The following COL11A1 variants were observed in gnomAD, a reference collection of about 807,000 sequenced individuals.
COL11A1 encodes collagen type XI alpha 1 chain, also known as collagen alpha-1(XI) chain.
A neutral mutation model predicts 265.2 loss-of-function variants in COL11A1; 74 were observed. That is an observed-to-expected ratio of 0.28 (90% confidence interval 0.23 to 0.34). The LOEUF (loss-of-function observed/expected upper bound fraction) is 0.34. Among genes scored for constraint, COL11A1 ranks in the 10% least tolerant of loss-of-function variants. The pLI, the probability that COL11A1 is intolerant of heterozygous loss-of-function variation, is 1.00. For missense variants in COL11A1, 2,165 were observed against 2,263.6 expected (o/e 0.96, Z 0.88); for synonymous variants, 816 against 727.6 (o/e 1.12, Z -1.96).
intron 9 of COL11A1, among the ~76,000 whole-genome samples, 190 bp from the exon 10 acceptor site, chr1:103,019,049 T>C (rs186390169): frequency 6.0e-4 from 92 of 152,304 alleles, no homozygotes; most frequent in African/African-American, 2.0e-3. Context: ...ATATAGACTG[T>C]GCCCTCAGAG....
At chr1:103,052,740 T>A (rs1350997500) in intron 4 of COL11A1, among the ~76,000 whole-genome samples, 1 of 152,202 alleles carries the variant, frequency 6.6e-6, no homozygotes, top group Non-Finnish European at 1.5e-5. Context: ...CCTTAGCCAT[T>A]TCTGGGTAAA....
At chr1:102,906,969 G>A (rs1654053295) in intron 54 of COL11A1, among the ~76,000 whole-genome samples, 1 of 152,062 alleles carries the variant, frequency 6.6e-6, no homozygotes, top group Non-Finnish European at 1.5e-5. Flanking sequence ...AAGCAATTAA[G>A]CATGCCAGTT....
chr1:103,050,431 T>C lies in COL11A1; in HGVS notation c.652-19187A>G, dbSNP rs1438444620. Among the ~76,000 whole-genome samples the C allele has an allele frequency of 2.0e-5, 3 of 152,230 alleles. No homozygotes were observed. In the South Asian group the frequency reaches 6.2e-4, roughly 32 times the overall value. On this transcript the variant is annotated intron_variant, in intron 4 of 66. Coordinates refer to ENST00000370096, the MANE Select transcript of COL11A1 (RefSeq NM_001854.4). ...TTCTGCATTCATCACGTAGTTCTCG[T>C]GCCTTGGTTTTCAGTTCCATCAGGT... is the stretch of plus-strand genomic sequence containing the variant.
chr1:103,085,548 C>T (rs994728152), intron 1 of COL11A1, among the ~76,000 whole-genome samples: 1 of 151,786 alleles, frequency 6.6e-6, no homozygotes, highest in Admixed American at 6.6e-5. Context: ...TTCTTATCAA[C>T]ATTATCACTG....
intron 57 of COL11A1, among the ~76,000 whole-genome samples, chr1:102,892,202 A>C (rs1651863920): frequency 6.6e-6 from 1 of 152,296 alleles, no homozygotes; most frequent in South Asian, 2.1e-4. Flanking sequence ...GAATTCAATT[A>C]GCTCAATTAT....
At chr1:103,049,076 T>C (rs1027554949) in intron 4 of COL11A1, among the ~76,000 whole-genome samples, 38 of 152,176 alleles carry the variant, frequency 2.5e-4, no homozygotes, top group Non-Finnish European at 8.8e-5. Flanking sequence ...GTATATGCTG[T>C]TGATTTGGGG....
chr1:103,008,128 A>G (rs993419632), intron 15 of COL11A1, among the ~76,000 whole-genome samples: 2 of 152,194 alleles, frequency 1.3e-5, no homozygotes, highest in Non-Finnish European at 2.9e-5. Context: ...GAAAGTGTTG[A>G]GCAAAAAGTT....
At chr1:103,011,361 T>A (rs1294557307) in intron 14 of COL11A1, among the ~76,000 whole-genome samples, 2 of 152,100 alleles carry the variant, frequency 1.3e-5, no homozygotes, top group Admixed American at 1.3e-4. Context: ...CATTTAATAA[T>A]GTGTTAAATT....
At chr1:102,991,608 G>T (rs917542398) in intron 28 of COL11A1, among the ~76,000 whole-genome samples, 3 of 152,060 alleles carry the variant, frequency 2.0e-5, no homozygotes, top group East Asian at 1.9e-4. Flanking sequence ...CCGAACACAA[G>T]AATCCTGCCT....
At chr1:102,981,051 T>C (rs1056157088) in intron 31 of COL11A1, among the ~76,000 whole-genome samples, 3 of 152,154 alleles carry the variant, frequency 2.0e-5, no homozygotes, top group Non-Finnish European at 4.4e-5. Context: ...CATGATGCTA[T>C]TAAAGCAGGT....
chr1:102,958,119 G>A (rs1179067651), intron 41 of COL11A1, among the ~76,000 whole-genome samples: 2 of 151,984 alleles, frequency 1.3e-5, no homozygotes, highest in Non-Finnish European at 2.9e-5. Context: ...GTTAACATAA[G>A]ATTGATATAA....
chr1:103,009,667 T>G (rs1557940092), intron 14 of COL11A1, among the ~76,000 whole-genome samples: 1 of 152,182 alleles, frequency 6.6e-6, no homozygotes, highest in Non-Finnish European at 1.5e-5. Flanking sequence ...ACACATTCCA[T>G]TAAATACTAC....
chr1:103,051,468 G>C (rs1182849463), intron 4 of COL11A1, among the ~76,000 whole-genome samples: 1 of 152,202 alleles, frequency 6.6e-6, no homozygotes, highest in Non-Finnish European at 1.5e-5. Flanking sequence ...CAGTATTAGG[G>C]TGGGAGTGAC....
Position 102,967,227 on chromosome 1 carries a change from C to CTTTTTTTTTTTTTT in COL11A1, c.2863-1701_2863-1688dup, listed in dbSNP as rs35303945. Reference sequence around the variant, plus strand: ...CCCACAAAACCAAACATAATAAATTCTTTTTTTTTTTTTTTTTTTTTTTTT... The same window carrying CTTTTTTTTTTTTTT: ...CCCACAAAACCAAACATAATAAATTCTTTTTTTTTTTTTTTTTTTTTTTTTTTTTTTTTTTTTTT... On this transcript the variant is annotated intron_variant, in intron 37 of 66. Transcript: ENST00000370096. 4.0e-3 allele frequency among the ~76,000 whole-genome samples: 211 copies of CTTTTTTTTTTTTTT among 52,762 alleles called. 70 individuals carry two copies. The highest frequency in any genetic ancestry group is 5.0e-3 in the East Asian group (7 of 1,394). The allele number at this position is 52,762 out of a possible 152,430, so 34.6% of individuals were successfully genotyped here.
chr1:102,943,544 A>C (rs12046389), intron 42 of COL11A1, among the ~76,000 whole-genome samples: 74,925 of 151,592 alleles, frequency 0.49, 20,709 homozygotes, highest in East Asian at 0.86. Flanking sequence ...TACACCCATT[A>C]TAATTCTCCA....
intron 46 of COL11A1, among the ~76,000 whole-genome samples, chr1:102,930,580 TTAGTATCAGAA>T (rs1657284737): frequency 6.6e-6 from 1 of 152,218 alleles, no homozygotes; most frequent in African/African-American, 2.4e-5. Context: ...CTGCCCGGCT[TTAGTATCAGAA>T]TGATGCTGGC....
intron 46 of COL11A1, among the ~76,000 whole-genome samples, chr1:102,923,746 C>G (rs1207084462): frequency 6.6e-6 from 1 of 152,034 alleles, no homozygotes; most frequent in East Asian, 1.9e-4. Context: ...TCTTTTGACT[C>G]AAAATATTTT....
intron 46 of COL11A1, among the ~76,000 whole-genome samples, chr1:102,926,002 A>T (rs1335210678): frequency 1.3e-5 from 2 of 152,104 alleles, no homozygotes; most frequent in Admixed American, 1.3e-4. Context: ...TTACAAACCC[A>T]GTTGTGCATT....
intron 46 of COL11A1, among the ~76,000 whole-genome samples, chr1:102,928,930 T>C (rs1656999751): frequency 2.1e-5 from 1 of 48,220 alleles, no homozygotes; most frequent in African/African-American, 3.5e-5. Flanking sequence ...TTGCCCACTT[T>C]TTGATGGGGT....
Sources: allele counts gnomAD v4.1 joint callset (sites outside exome capture counted in the v4.1 genomes callset), GRCh38; gene constraint gnomAD v4.1.1; transcripts MANE v1.5; gene names NCBI Gene and HGNC (gene_info 2026-07-23, HGNC 2026-07-21).